NEBL: variants seen among roughly 807,000 people sequenced by gnomAD.
The protein encoded by NEBL is nebulette.
In NEBL, 122 loss-of-function variants were observed where a neutral mutation model predicts 140.2. That is an observed-to-expected ratio of 0.87 (90% CI 0.75 to 1.01). NEBL has a LOEUF of 1.01. Ranked by LOEUF, NEBL falls within the 50% of genes least tolerant of loss-of-function variation. The probability of loss-of-function intolerance (pLI) is 0.00; values close to 1 mark genes in which losing one functional copy is unlikely to be tolerated. For synonymous variants in NEBL, 436 were observed against 398.9 expected, an observed-to-expected ratio of 1.09 and a Z score of -1.11; for missense variants, 1,365 against 1,231.3, an observed-to-expected ratio of 1.11 and a Z score of -1.62.
intron 3 of NEBL, among the ~76,000 whole-genome samples, chr10:20,997,782 A>T (rs998136289): frequency 3.3e-5 from 5 of 152,178 alleles, no homozygotes; most frequent in Admixed American, 1.3e-4. Flanking sequence ...TGCTTGAGAT[A>T]GGATCCTATA....
chr10:21,177,867 G>A (rs1386767731), upstream of NEBL, among the ~76,000 whole-genome samples: 2 of 152,128 alleles, frequency 1.3e-5, no homozygotes, highest in Admixed American at 1.3e-4. Flanking sequence ...CGTTAGAAGT[G>A]TAGTGGCCAA....
rs1397678343 is a variant in NEBL, at chr10:20,858,257, T to C, written c.886A>G (p.Ser296Gly). 1.2e-6 allele frequency: 2 copies of C among 1,607,206 alleles called. No homozygotes were observed. The highest frequency in any genetic ancestry group is 8.5e-7 in the Non-Finnish European group (1 of 1,173,694). Residue 296 changes from serine (S) to glycine (G), a missense_variant, in exon 9 of 28, where the codon AGC (serine) becomes GGC (glycine). By Grantham distance (56) the Ser-to-Gly change is moderately conservative (BLOSUM62 0). Transcript: ENST00000377122. ...LLFLDHVLKA[S>G]KMLSGREYKK... is the part of the protein sequence containing the mutation. Reference sequence around the variant, plus strand: ...CCACTTACGCCGCTGAGCATTTTGCTGGCTTTCAAAACATGGTCTAAAAAC... The same window carrying C: ...CCACTTACGCCGCTGAGCATTTTGCCGGCTTTCAAAACATGGTCTAAAAAC...
intron 1 of NEBL, chr10:21,172,481 G>T: frequency 5.1e-6 from 7 of 1,385,248 alleles, no homozygotes; most frequent in African/African-American, 1.5e-5. Flanking sequence ...GCCAATACTG[G>T]AAAAAAAAAA....
At chr10:21,104,612 A>T (rs1227829805) in intron 2 of NEBL, among the ~76,000 whole-genome samples, 3 of 152,138 alleles carry the variant, frequency 2.0e-5, no homozygotes, top group Non-Finnish European at 4.4e-5. Flanking sequence ...GTATTAGTTC[A>T]GTTGATTTTT....
chr10:20,826,164 T>C (rs545669224), intron 18 of NEBL, among the ~76,000 whole-genome samples: 1 of 152,292 alleles, frequency 6.6e-6, no homozygotes, highest in East Asian at 1.9e-4. Context: ...TTAATAGAGT[T>C]AAAATTCTCT....
intron 3 of NEBL, among the ~76,000 whole-genome samples, chr10:20,997,704 A>ATTGG (rs1335830813): frequency 2.6e-5 from 4 of 152,088 alleles, no homozygotes; most frequent in Non-Finnish European, 5.9e-5. Flanking sequence ...ATATTATTTC[A>ATTGG]TTGGTTTTAT....
chr10:20,809,918 A>G lies in NEBL; in HGVS notation c.2519-20T>C. 1 of 1,518,258 alleles carries G rather than the reference A, an allele frequency of 6.6e-7. No individual in the cohort carries two copies. 94.0% of individuals were successfully genotyped at this position (1,518,258 alleles called of 1,614,324 possible). ...TGAGGTCTTTTGCCAAAAGGAAGAAATCAACACTCATCAAGAAGGAATTTA... is the reference window on the plus strand; with the variant it reads ...TGAGGTCTTTTGCCAAAAGGAAGAAGTCAACACTCATCAAGAAGGAATTTA... On this transcript the variant is annotated intron_variant, in intron 24 of 27. Transcript: ENST00000377122.
chr10:20,934,138 A>T (rs1174380621), intron 4 of NEBL, among the ~76,000 whole-genome samples: 3 of 152,178 alleles, frequency 2.0e-5, no homozygotes, highest in Non-Finnish European at 4.4e-5. Context: ...CTTTAGTCTC[A>T]TCTGGGACTG....
chr10:21,016,161 A>T (rs569237562), intron 3 of NEBL, among the ~76,000 whole-genome samples: 1 of 152,384 alleles, frequency 6.6e-6, no homozygotes, highest in Admixed American at 6.5e-5. Context: ...TAACTATAAA[A>T]GGGCTTTCCT....
intron 2 of NEBL, among the ~76,000 whole-genome samples, chr10:21,111,631 A>T (rs1838017762): frequency 6.6e-6 from 1 of 150,928 alleles, no homozygotes; most frequent in Non-Finnish European, 1.5e-5. Flanking sequence ...TGAAACCATA[A>T]AAATCCTAGA....
At chr10:21,028,235 C>CAAAA (rs1168946872) in intron 2 of NEBL, among the ~76,000 whole-genome samples, 145 of 65,818 alleles carry the variant, frequency 2.2e-3, no homozygotes, top group East Asian at 2.7e-3. Flanking sequence ...TCAAACATCT[C>CAAAA]AAAAAAAAAA....
In NEBL at chr10:20,813,959, C is replaced by T. The variant is rs143012792; in HGVS notation, c.2326G>A (p.Ala776Thr). ...CCTACCATTGAAATATGATTTTGTG[C>T]TTCTTTAACATGTCTCATAGCAGGT... is the stretch of plus-strand genomic sequence containing the variant. ...DTPAMRHVKEAQNHISMVKYH... is the reference protein window; with the variant it reads ...DTPAMRHVKETQNHISMVKYH... The change falls in exon 23 of 28, where the codon GCA becomes ACA. Residue 776 changes from alanine (A) to threonine (T), a missense_variant. This residue lies in a region of NEBL where 1,323 missense variants were observed against 1,154.8 expected (regional missense o/e 1.15). Transcript: ENST00000377122. 8.7e-6 allele frequency: 14 copies of T among 1,602,304 alleles called. No individual in the cohort carries two copies. The highest frequency in any genetic ancestry group is 1.2e-5 in the Non-Finnish European group (14 of 1,169,410).
At chr10:21,089,669 T>C (rs1977449) in intron 2 of NEBL, among the ~76,000 whole-genome samples, 20 of 152,056 alleles carry the variant, frequency 1.3e-4, no homozygotes, top group Non-Finnish European at 1.9e-4. Flanking sequence ...CTCTCAATGA[T>C]TGATAGGTGA....
chr10:21,037,208 A>T (rs1834048552), intron 2 of NEBL, among the ~76,000 whole-genome samples: 1 of 145,720 alleles, frequency 6.9e-6, no homozygotes, highest in Admixed American at 6.9e-5. Context: ...CCATCCAGTC[A>T]TTTAAGAAAA....
At chr10:20,975,641 C>T (rs1157031298) in intron 3 of NEBL, among the ~76,000 whole-genome samples, 2 of 152,174 alleles carry the variant, frequency 1.3e-5, no homozygotes, top group South Asian at 2.1e-4. Context: ...AGATGAGTTA[C>T]ACTTGAATAC....
chr10:21,126,185 A>G, intron 2 of NEBL: 1 of 1,503,678 alleles, frequency 6.7e-7, no homozygotes, highest in Non-Finnish European at 9.1e-7. Flanking sequence ...AAAGGAAAAA[A>G]AATACCACAT....
intron 3 of NEBL, among the ~76,000 whole-genome samples, chr10:20,985,229 G>T (rs1322518830): frequency 6.6e-6 from 1 of 152,160 alleles, no homozygotes; most frequent in Non-Finnish European, 1.5e-5. Flanking sequence ...GTGCCAAAAA[G>T]GTTGGTGACC....
rs569326787 is a variant in NEBL, at chr10:21,050,831, A to G, written c.165-30630T>C. ...AGAATGCAGAAAAAGTCATGAAGCC[A>G]TTTGGCTGTAGGGGCTGTGCTCTCT... On this transcript the variant is annotated intron_variant, in intron 2 of 6. Transcript: ENST00000417816. Among the ~76,000 whole-genome samples, 31 of 152,154 alleles carry G rather than the reference A, an allele frequency of 2.0e-4. 1 individual carries two copies. Among genetic ancestry groups the G allele is most frequent in the Non-Finnish European group, 4.4e-4 (30 of 68,016 alleles).
intron 3 of NEBL, among the ~76,000 whole-genome samples, chr10:21,241,146 A>G (rs1842433433): frequency 6.6e-6 from 1 of 152,004 alleles, no homozygotes; most frequent in South Asian, 2.1e-4. Flanking sequence ...CTTGGCTTAC[A>G]TTCAGGCTTA....
Sources: gnomAD v4.1 joint callset for allele counts (sites outside exome capture counted in the v4.1 genomes callset) on GRCh38, gnomAD v4.1.1 for gene constraint, gnomAD v4.1.1 regional missense constraint, MANE v1.5 for transcripts, NCBI Gene and HGNC (gene_info 2026-07-23, HGNC 2026-07-21) for gene names.